Variants in DOK6 observed in about 807,000 individuals in gnomAD.
DOK6 encodes docking protein 6, also known as downstream of tyrosine kinase 6.
In DOK6, 22 loss-of-function variants were observed where a neutral mutation model predicts 44.0. The ratio of observed to expected loss-of-function variants is 0.50; its 90% confidence interval spans 0.36 to 0.71. The LOEUF is 0.71. DOK6 is among the 30% of genes least tolerant of loss of function. DOK6 has a pLI of 0.00. For missense variants in DOK6, 340 were observed against 416.4 expected (o/e 0.82, Z 1.60); for synonymous variants, 166 against 145.5 (o/e 1.14, Z -1.01).
At chr18:69,703,404 T>C (rs1396171301) in intron 5 of DOK6, among the ~76,000 whole-genome samples, 1 of 152,220 alleles carries the variant, frequency 6.6e-6, no homozygotes, top group Non-Finnish European at 1.5e-5. Flanking sequence ...ACATAGTCCC[T>C]TCCCTTAATG....
At position 69,519,804 on chromosome 18, in the gene DOK6, C is replaced by A. The variant is rs114779925; in HGVS notation, c.67-44683C>A. Reference sequence around the variant, plus strand: ...TCACATATGAAATATGGCATGAGAACGTGACTATAATGAAAAATAATGGCA... The same window carrying A: ...TCACATATGAAATATGGCATGAGAAAGTGACTATAATGAAAAATAATGGCA... On this transcript the variant is annotated intron_variant, in intron 1 of 7. Coordinates refer to ENST00000382713, the MANE Select transcript of DOK6 (RefSeq NM_152721.6). Among the ~76,000 whole-genome samples the A allele has an allele frequency of 2.8e-3, 431 of 151,788 alleles. 2 individuals carry two copies. The highest frequency in any genetic ancestry group is 9.7e-3 in the African/African-American group (402 of 41,464).
At chr18:69,812,475 C>T (rs1364783502) in intron 7 of DOK6, among the ~76,000 whole-genome samples, 1 of 152,080 alleles carries the variant, frequency 6.6e-6, no homozygotes, top group Non-Finnish European at 1.5e-5. Flanking sequence ...TCAATGGCAA[C>T]AAACGGGCTG....
intron 1 of DOK6, among the ~76,000 whole-genome samples, chr18:69,533,077 A>C (rs900233185): frequency 1.3e-5 from 2 of 152,144 alleles, no homozygotes; most frequent in Non-Finnish European, 2.9e-5. Flanking sequence ...ATATCGGTGA[A>C]GTATCCTCTT....
intron 5 of DOK6, among the ~76,000 whole-genome samples, chr18:69,727,729 CA>C (rs1012617749): frequency 6.6e-6 from 1 of 152,158 alleles, no homozygotes; most frequent in African/African-American, 2.4e-5. Flanking sequence ...ACAACTGTAG[CA>C]GATTCAAGAA....
intron 3 of DOK6, among the ~76,000 whole-genome samples, chr18:69,600,194 T>G (rs1455470062): frequency 6.6e-6 from 1 of 152,214 alleles, no homozygotes; most frequent in Admixed American, 6.5e-5. Flanking sequence ...AACTAATGAT[T>G]AGGTCTTTAG....
intron 7 of DOK6, among the ~76,000 whole-genome samples, chr18:69,813,717 A>G (rs1476753580): frequency 6.6e-6 from 1 of 152,116 alleles, no homozygotes; most frequent in East Asian, 1.9e-4. Context: ...TACAAAGCAC[A>G]GCACAGAGGA....
chr18:69,426,969 A>T (rs1057407429), intron 1 of DOK6, among the ~76,000 whole-genome samples: 2 of 151,626 alleles, frequency 1.3e-5, no homozygotes, highest in African/African-American at 4.8e-5. Context: ...CCCATCAGTT[A>T]TTTTTCCTGA....
chr18:69,423,367 A>C lies in DOK6; in HGVS notation c.66+22057A>C, dbSNP rs112831291. 1.1e-3 allele frequency among the ~76,000 whole-genome samples: 163 copies of C among 152,272 alleles called. 1 individual carries two copies. Among genetic ancestry groups the C allele is most frequent in the African/African-American group, 3.7e-3 (153 of 41,576 alleles). ...TGAAGACCCATTTGAACCTTTTGCTATCTTGCCATTTTCACACTGAAGAGT... is the reference window on the plus strand; with the variant it reads ...TGAAGACCCATTTGAACCTTTTGCTCTCTTGCCATTTTCACACTGAAGAGT... On this transcript the variant is annotated intron_variant, in intron 1 of 7. Coordinates refer to ENST00000382713, the MANE Select transcript of DOK6 (RefSeq NM_152721.6).
In DOK6 at chr18:69,698,497, A is replaced by G; in HGVS notation, c.503A>G (p.Asp168Gly). 1 of 1,614,146 alleles carries G rather than the reference A, an allele frequency of 6.2e-7. No individual in the cohort carries two copies. Among genetic ancestry groups the G allele is most frequent in the South Asian group, 1.1e-5 (1 of 91,078 alleles). Residue 168 changes from aspartate to glycine, a missense_variant, in exon 5 of 8, where the codon GAT (aspartate) becomes GGT (glycine). Physicochemically the swap from Asp to Gly is moderately conservative, Grantham distance 94 (BLOSUM62 -1). Around this residue, in one of 3 missense-constraint regions of DOK6, gnomAD observed 206 missense variants for 258.6 expected, o/e 0.80. Coordinates refer to ENST00000382713, the MANE Select transcript of DOK6 (RefSeq NM_152721.6). ...ACTCATGAAAATATCTATCTCTGGG[A>G]TATCCACAATGCCAAGGTCAAACTG... Reference protein sequence around the residue: ...QITHENIYLWDIHNAKVKLVM... With the variant: ...QITHENIYLWGIHNAKVKLVM...
chr18:69,448,665 T>TAATTGA (rs1979365898), intron 1 of DOK6, among the ~76,000 whole-genome samples: 1 of 152,200 alleles, frequency 6.6e-6, no homozygotes, highest in Non-Finnish European at 1.5e-5. Flanking sequence ...TGAGCCACCG[T>TAATTGA]GCCCAGCCCA....
rs1457323219 is a variant in DOK6, at chr18:69,478,131, G to A, written c.66+76821G>A. Among the ~76,000 whole-genome samples, 10 of 152,146 alleles carry A rather than the reference G, an allele frequency of 6.6e-5. 1 individual carries two copies. Among genetic ancestry groups the A allele is most frequent in the African/African-American group, 2.4e-4 (10 of 41,440 alleles). Reference sequence around the variant, plus strand: ...TACTTCACAAAATACTTAAATACGTGTGTGTTTATTCTATACTCCCATTAG... The same window carrying A: ...TACTTCACAAAATACTTAAATACGTATGTGTTTATTCTATACTCCCATTAG... On this transcript the variant is annotated intron_variant, in intron 1 of 7. Transcript: ENST00000382713.
chr18:69,650,888 G>GT (rs1182999839), intron 3 of DOK6, among the ~76,000 whole-genome samples: 2 of 151,930 alleles, frequency 1.3e-5, no homozygotes, highest in African/African-American at 2.4e-5. Context: ...GTTTTCTTTG[G>GT]TATAATAGCC....
At chr18:69,476,180 T>C (rs1047505425) in intron 1 of DOK6, among the ~76,000 whole-genome samples, 1 of 152,206 alleles carries the variant, frequency 6.6e-6, no homozygotes, top group Non-Finnish European at 1.5e-5. Context: ...TTAATTCACT[T>C]GCTGCCCAAC....
intron 1 of DOK6, among the ~76,000 whole-genome samples, chr18:69,474,454 A>G (rs12957942): frequency 0.18 from 27,846 of 152,182 alleles, 3,226 homozygotes; most frequent in Non-Finnish European, 0.26. Context: ...TCTAATATCA[A>G]TAAGAATTGT....
intron 1 of DOK6, among the ~76,000 whole-genome samples, chr18:69,459,882 A>G (rs1369952202): frequency 1.3e-5 from 2 of 152,234 alleles, no homozygotes; most frequent in Admixed American, 6.5e-5. Context: ...ATGTGTGGGT[A>G]AAAGTTGTTG....
chr18:69,597,643 G>A (rs993010091), intron 2 of DOK6, among the ~76,000 whole-genome samples: 8 of 152,170 alleles, frequency 5.3e-5, no homozygotes, highest in African/African-American at 1.4e-4. Context: ...ATGGCTCTAC[G>A]CAGAGCATGA....
intron 1 of DOK6, among the ~76,000 whole-genome samples, chr18:69,522,004 AC>A (rs1356431750): frequency 6.6e-6 from 1 of 152,052 alleles, no homozygotes; most frequent in African/African-American, 2.4e-5. Context: ...TTAAATATGA[AC>A]CTTCAGCAAA....
chr18:69,421,513 A>G (rs754733346), intron 1 of DOK6, among the ~76,000 whole-genome samples: 7 of 152,208 alleles, frequency 4.6e-5, no homozygotes, highest in Non-Finnish European at 1.0e-4. Flanking sequence ...TAAATAAGAT[A>G]AAATTTGCAA....
At chr18:69,564,622 G>A (rs778582950) in intron 2 of DOK6, 28 bp downstream of exon 2, 3 of 1,545,404 alleles carry the variant, frequency 1.9e-6, no homozygotes, top group Admixed American at 1.8e-5. Flanking sequence ...GAGTCCCTGG[G>A]GAATAACTGG....
Sources: allele counts gnomAD v4.1 joint callset (sites outside exome capture counted in the v4.1 genomes callset), GRCh38; gene constraint gnomAD v4.1.1; regional missense constraint gnomAD v4.1.1; transcripts MANE v1.5; gene names NCBI Gene and HGNC (gene_info 2026-07-23, HGNC 2026-07-21).